LRFN2: variants seen among roughly 807,000 people sequenced by gnomAD.
The protein encoded by LRFN2 is leucine-rich repeat and fibronectin type-III domain-containing protein 2.
A neutral mutation model predicts 37.3 loss-of-function variants in LRFN2; 18 were observed. That is an observed-to-expected ratio of 0.48 (90% CI 0.33 to 0.72). The LOEUF (loss-of-function observed/expected upper bound fraction) is 0.72, where lower values mean the gene tolerates loss of function less well. LRFN2 is among the 30% of genes least tolerant of loss of function. The pLI, the probability that LRFN2 is intolerant of heterozygous loss-of-function variation, is 0.02. For synonymous variants in LRFN2, 556 were observed against 466.6 expected, an observed-to-expected ratio of 1.19 and a Z score of -2.47; for missense variants, 1,006 against 1,060.7, an observed-to-expected ratio of 0.95 and a Z score of 0.72.
intron 1 of LRFN2, among the ~76,000 whole-genome samples, chr6:40,438,654 C>T (rs1456342922): frequency 6.6e-6 from 1 of 152,168 alleles, no homozygotes; most frequent in African/African-American, 2.4e-5. Context: ...GCTGTCTTCA[C>T]TATGGGTTTG....
At chr6:40,527,557 C>G (rs928954767) in intron 1 of LRFN2, among the ~76,000 whole-genome samples, 2 of 152,170 alleles carry the variant, frequency 1.3e-5, no homozygotes, top group African/African-American at 4.8e-5. Flanking sequence ...CCTGGAGCCA[C>G]TGTAGATGAT....
At chr6:40,512,890 A>G (rs749189850) in intron 1 of LRFN2, among the ~76,000 whole-genome samples, 30 of 152,226 alleles carry the variant, frequency 2.0e-4, no homozygotes, top group South Asian at 4.1e-4. Context: ...TGAGAGTGAA[A>G]TATACAGAGA....
At chr6:40,491,078 C>T (rs1383629821) in intron 1 of LRFN2, among the ~76,000 whole-genome samples, 4 of 152,116 alleles carry the variant, frequency 2.6e-5, no homozygotes, top group Admixed American at 6.5e-5. Context: ...ATGGCGGTCA[C>T]GTAGGGTCTT....
At chr6:40,396,769 G>T (rs1195738423) in intron 2 of LRFN2, among the ~76,000 whole-genome samples, 1 of 150,304 alleles carries the variant, frequency 6.7e-6, no homozygotes, top group African/African-American at 2.5e-5. Flanking sequence ...TGTGTTGGCG[G>T]TAGGAGGAGT....
At chr6:40,433,929 T>A (rs1165128909) in intron 1 of LRFN2, among the ~76,000 whole-genome samples, 1 of 152,178 alleles carries the variant, frequency 6.6e-6, no homozygotes, top group Non-Finnish European at 1.5e-5. Context: ...AGGGATTATC[T>A]ATACACAGAC....
intron 2 of LRFN2, among the ~76,000 whole-genome samples, chr6:40,401,125 G>T (rs1414530056): frequency 6.6e-6 from 1 of 151,662 alleles, no homozygotes; most frequent in Non-Finnish European, 1.5e-5. Flanking sequence ...AGGCATTTGG[G>T]CCTCAGGAAT....
At chr6:40,455,670 T>C (rs1203762603) in intron 1 of LRFN2, among the ~76,000 whole-genome samples, 1 of 152,218 alleles carries the variant, frequency 6.6e-6, no homozygotes, top group African/African-American at 2.4e-5. Context: ...CTATCATCTT[T>C]ATTGTGTTAT....
rs369093742 is a variant in LRFN2 at position 40,495,059 on chromosome 6, A to G, written c.-18-61928T>C. 2.6e-5 allele frequency among the ~76,000 whole-genome samples: 4 copies of G among 152,338 alleles called. No homozygotes were observed. In the East Asian group the frequency reaches 7.7e-4, roughly 29 times the overall value. On this transcript the variant is annotated intron_variant, in intron 1 of 2. Transcript: ENST00000338305. ...CATCTAGAGCCCTCTAGGGAATAAC[A>G]CACAGGTAGACTAGTTCTAATAACT...
chr6:40,546,294 G>C (rs1766659227), intron 1 of LRFN2, among the ~76,000 whole-genome samples: 1 of 152,164 alleles, frequency 6.6e-6, no homozygotes, highest in African/African-American at 2.4e-5. Flanking sequence ...GGTCTTAAAG[G>C]TCTGGCATGT....
intron 1 of LRFN2, among the ~76,000 whole-genome samples, chr6:40,483,018 G>A (rs1037587801): frequency 2.6e-5 from 4 of 152,166 alleles, no homozygotes; most frequent in Non-Finnish European, 5.9e-5. Flanking sequence ...CACTTCCTCC[G>A]CCAAAGCCCA....
chr6:40,444,035 C>T lies in LRFN2; in HGVS notation c.-18-10904G>A, dbSNP rs185620992. 3.2e-3 allele frequency among the ~76,000 whole-genome samples: 481 copies of T among 152,298 alleles called. 3 individuals carry two copies. The highest frequency in any genetic ancestry group is 0.011 in the African/African-American group (460 of 41,576). On this transcript the variant is annotated intron_variant, in intron 1 of 2. Coordinates refer to ENST00000338305, the MANE Select transcript of LRFN2 (RefSeq NM_020737.3). ...ACCACCCTCTCACCACTTGCTGATG[C>T]CCCCCAATGGCCAAACCTAACTAGA... is the stretch of plus-strand genomic sequence containing the variant.
intron 1 of LRFN2, among the ~76,000 whole-genome samples, chr6:40,480,364 A>C (rs1220409295): frequency 6.6e-6 from 1 of 151,866 alleles, no homozygotes; most frequent in South Asian, 2.1e-4. Flanking sequence ...TGCAGCCTCA[A>C]CCTCCCTGGG....
rs1204525517 is a variant in LRFN2 at position 40,476,157 on chromosome 6, C to T, written c.-18-43026G>A. Among the ~76,000 whole-genome samples, 3 of 152,230 alleles carry T rather than the reference C, an allele frequency of 2.0e-5. No individual in the cohort carries two copies. The East Asian group carries it at 5.8e-4, about 30-fold the overall frequency. The stretch of plus-strand genomic sequence containing the variant: ...AACCCTGTACCTTAGTCAGACTGGG[C>T]CTTCCATGCCCCATCCACACTCAGG... On this transcript the variant is annotated intron_variant, in intron 1 of 2. Coordinates refer to ENST00000338305, the MANE Select transcript of LRFN2 (RefSeq NM_020737.3).
Position 40,391,710 on chromosome 6 carries a change from C to G in LRFN2, c.*233G>C. 1 of 419,036 alleles carries G rather than the reference C, an allele frequency of 2.4e-6. No individual in the cohort carries two copies. The highest frequency in any genetic ancestry group is 4.2e-6 in the Non-Finnish European group (1 of 239,636). 26.0% of individuals were successfully genotyped at this position (419,036 alleles called of 1,614,324 possible). A position where few individuals can be genotyped will look rare whatever the true frequency, so the allele number is the denominator to read the frequency against. On this transcript the variant is annotated 3_prime_UTR_variant, in exon 3 of 3. Coordinates refer to ENST00000338305, the MANE Select transcript of LRFN2 (RefSeq NM_020737.3). Reference sequence around the variant, plus strand: ...GCGGAGTCTCGCCTTTCCAAACACTCAGGGCTCAGTCCGGCATTTGAGCGA... The same window carrying G: ...GCGGAGTCTCGCCTTTCCAAACACTGAGGGCTCAGTCCGGCATTTGAGCGA...
chr6:40,460,282 A>G (rs1338727021), intron 1 of LRFN2, among the ~76,000 whole-genome samples: 1 of 152,196 alleles, frequency 6.6e-6, no homozygotes. Context: ...GGTTCTGGCC[A>G]CAGACCCAGG....
At chr6:40,406,494 C>T (rs1296153941) in intron 2 of LRFN2, among the ~76,000 whole-genome samples, 3 of 152,186 alleles carry the variant, frequency 2.0e-5, no homozygotes, top group Non-Finnish European at 2.9e-5. Flanking sequence ...CTCCTCTGCC[C>T]TCACCATGCA....
At chr6:40,409,528 C>T (rs141679862) in intron 2 of LRFN2, among the ~76,000 whole-genome samples, 1 of 152,112 alleles carries the variant, frequency 6.6e-6, no homozygotes, top group Non-Finnish European at 1.5e-5. Context: ...ATTTGAAGAT[C>T]AGTTTCAAAT....
chr6:40,531,138 G>A (rs763937228), intron 1 of LRFN2, among the ~76,000 whole-genome samples: 4 of 152,066 alleles, frequency 2.6e-5, no homozygotes, highest in Admixed American at 2.0e-4. Flanking sequence ...TCCCCGAACT[G>A]GGCAACTGCT....
chr6:40,401,680 T>A (rs1762743938), intron 2 of LRFN2, among the ~76,000 whole-genome samples: 1 of 152,124 alleles, frequency 6.6e-6, no homozygotes, highest in Non-Finnish European at 1.5e-5. Flanking sequence ...GGTGAATGTG[T>A]GTTTGTGTAA....
Sources: gnomAD v4.1 joint callset for allele counts (sites outside exome capture counted in the v4.1 genomes callset) on GRCh38, gnomAD v4.1.1 for gene constraint, MANE v1.5 for transcripts, NCBI Gene and HGNC (gene_info 2026-07-23, HGNC 2026-07-21) for gene names.